The following CSMD3 variants were observed in gnomAD, a reference collection of about 807,000 sequenced individuals.
CSMD3 encodes the protein CUB and Sushi multiple domains 3.
Under a neutral mutation model 435.2 loss-of-function variants are expected in CSMD3, and 177 were observed. The observed-to-expected ratio is 0.41, with a 90% CI of 0.36 to 0.46. The LOEUF is 0.46. Among genes scored for constraint, CSMD3 ranks in the 20% least tolerant of loss-of-function variants. CSMD3 has a pLI of 0.34. For missense variants in CSMD3, 4,265 were observed against 4,504.6 expected (o/e 0.95, Z 1.52); for synonymous variants, 1,656 against 1,520.5 (o/e 1.09, Z -2.07).
chr8:112,996,548 T>C (rs183966347), intron 6 of CSMD3, among the ~76,000 whole-genome samples: 7 of 151,734 alleles, frequency 4.6e-5, no homozygotes, highest in Non-Finnish European at 4.4e-5. Context: ...AAAATTCCAA[T>C]TTAAAGTGCA....
At chr8:112,955,427 G>C (rs1275878788) in intron 7 of CSMD3, among the ~76,000 whole-genome samples, 1 of 151,550 alleles carries the variant, frequency 6.6e-6, no homozygotes, top group African/African-American at 2.4e-5. Context: ...GCGTACATAG[G>C]ATATTTTGAT....
chr8:113,120,349 G>A (rs1162030814), intron 4 of CSMD3, among the ~76,000 whole-genome samples: 1 of 151,834 alleles, frequency 6.6e-6, no homozygotes, highest in African/African-American at 2.4e-5. Context: ...AAAGTTAAAT[G>A]AATTAAATAA....
chr8:113,158,386 G>C (rs953403120), intron 4 of CSMD3, among the ~76,000 whole-genome samples: 1 of 151,962 alleles, frequency 6.6e-6, no homozygotes, highest in Non-Finnish European at 1.5e-5. Context: ...TGTATCATAA[G>C]GGAAGATCCT....
chr8:112,440,747 C>T (rs1216534292), intron 32 of CSMD3, among the ~76,000 whole-genome samples: 1 of 152,184 alleles, frequency 6.6e-6, no homozygotes, highest in Non-Finnish European at 1.5e-5. Flanking sequence ...GGGACTTGCA[C>T]CCTCTGAAGC....
intron 4 of CSMD3, among the ~76,000 whole-genome samples, chr8:113,140,590 A>G (rs919969599): frequency 1.3e-5 from 2 of 151,222 alleles, no homozygotes; most frequent in Non-Finnish European, 3.0e-5. Context: ...CAAACCGGAT[A>G]TCTATAACTC....
chr8:113,070,319 A>G (rs1396748589), intron 5 of CSMD3, among the ~76,000 whole-genome samples: 1 of 152,072 alleles, frequency 6.6e-6, no homozygotes, highest in Non-Finnish European at 1.5e-5. Flanking sequence ...ACTGAATACT[A>G]TTCCACCTCT....
chr8:112,345,541 TCAGGAGTAGAAAGTAGAAGGGTAGTTAC>T (rs1354636389), intron 41 of CSMD3, among the ~76,000 whole-genome samples: 1 of 151,828 alleles, frequency 6.6e-6, no homozygotes. Flanking sequence ...AAAACTGAAC[TCAGGAGTAGAAAGTAGAAGGGTAGTTAC>T]CAGGGTGTAA....
At chr8:112,311,239 T>C (rs2130816622) in intron 49 of CSMD3, 73 bp from the exon 50 acceptor site, 1 of 1,228,532 alleles carries the variant, frequency 8.1e-7, no homozygotes, top group Non-Finnish European at 1.2e-6. Flanking sequence ...TAAACACCTA[T>C]ACAGCGACTA....
intron 5 of CSMD3, among the ~76,000 whole-genome samples, chr8:113,047,664 G>C (rs1182531060): frequency 6.6e-6 from 1 of 152,082 alleles, no homozygotes; most frequent in African/African-American, 2.4e-5. Flanking sequence ...AAGTATCCTA[G>C]AATTTTTAAA....
intron 18 of CSMD3, among the ~76,000 whole-genome samples, chr8:112,653,337 A>C (rs2075176933): frequency 1.3e-5 from 2 of 152,100 alleles, no homozygotes; most frequent in South Asian, 2.1e-4. Context: ...TCAAATATCT[A>C]TTGATCATAA....
chr8:113,341,429 G>A (rs2094118043), intron 1 of CSMD3, among the ~76,000 whole-genome samples: 1 of 151,966 alleles, frequency 6.6e-6, no homozygotes, highest in Non-Finnish European at 1.5e-5. Context: ...AATTGATAGA[G>A]TAATCAACAG....
intron 2 of CSMD3, among the ~76,000 whole-genome samples, chr8:113,308,873 G>A (rs1389206876): frequency 2.0e-5 from 3 of 152,184 alleles, no homozygotes; most frequent in African/African-American, 7.2e-5. Flanking sequence ...GAAATTAAGA[G>A]ATAGTCTTTT....
chr8:112,351,610 A>G (rs927271838), intron 39 of CSMD3, among the ~76,000 whole-genome samples: 4 of 152,014 alleles, frequency 2.6e-5, no homozygotes, highest in Admixed American at 2.6e-4. Flanking sequence ...AAGGTGAAGT[A>G]GGTTAAAGAA....
At chr8:112,633,131 T>C (rs2074563076) in intron 22 of CSMD3, among the ~76,000 whole-genome samples, 1 of 152,046 alleles carries the variant, frequency 6.6e-6, no homozygotes, top group Non-Finnish European at 1.5e-5. Flanking sequence ...TGTTATACTC[T>C]TAATTTCTGT....
At chr8:113,349,491 A>G (rs2094175153) in intron 1 of CSMD3, among the ~76,000 whole-genome samples, 1 of 152,128 alleles carries the variant, frequency 6.6e-6, no homozygotes, top group African/African-American at 2.4e-5. Flanking sequence ...AAAAAATTTT[A>G]AAGCTCTAGG....
chr8:112,602,992 C>T (rs1436965839), intron 22 of CSMD3, among the ~76,000 whole-genome samples: 2 of 152,142 alleles, frequency 1.3e-5, no homozygotes, highest in African/African-American at 2.4e-5. Flanking sequence ...TTGCTCATGC[C>T]TCAGCCTCCC....
intron 22 of CSMD3, among the ~76,000 whole-genome samples, chr8:112,591,464 T>C (rs1416056340): frequency 1.3e-5 from 2 of 152,080 alleles, no homozygotes; most frequent in Non-Finnish European, 2.9e-5. Context: ...AGTCATATAG[T>C]TTTAGATAAA....
intron 13 of CSMD3, among the ~76,000 whole-genome samples, chr8:112,722,810 A>C (rs188649635): frequency 1.4e-3 from 208 of 152,290 alleles, no homozygotes; most frequent in African/African-American, 4.6e-3. Flanking sequence ...ATAAATAATA[A>C]TGGTAATTAT....
At chr8:113,216,355 T>C (rs573177172) in intron 3 of CSMD3, among the ~76,000 whole-genome samples, 5 of 151,890 alleles carry the variant, frequency 3.3e-5, no homozygotes, top group Admixed American at 1.3e-4. Flanking sequence ...TTTATTTTCA[T>C]ATGGGCATTG....
Sources: gnomAD v4.1 joint callset for allele counts (sites outside exome capture counted in the v4.1 genomes callset) on GRCh38, gnomAD v4.1.1 for gene constraint, MANE v1.5 for transcripts, NCBI Gene and HGNC (gene_info 2026-07-23, HGNC 2026-07-21) for gene names.